Variants in FGGY observed in about 807,000 individuals in gnomAD.
FGGY encodes the protein FGGY carbohydrate kinase domain-containing protein.
Under a neutral mutation model 71.3 loss-of-function variants are expected in FGGY, and 72 were observed. That is an observed-to-expected ratio of 1.01 (90% CI 0.84 to 1.23). The LOEUF (loss-of-function observed/expected upper bound fraction) is 1.23, where lower values mean the gene tolerates loss of function less well. FGGY is among the 50% of genes most tolerant of loss of function. FGGY has a pLI of 0.00. For synonymous variants in FGGY, 251 were observed against 250.3 expected (o/e 1.00, Z -0.02); for missense variants, 668 against 682.3 (o/e 0.98, Z 0.23).
chr1:59,603,390 CT>C (rs1370424215), intron 8 of FGGY, among the ~76,000 whole-genome samples: 10 of 152,172 alleles, frequency 6.6e-5, no homozygotes, highest in African/African-American at 2.4e-4. Flanking sequence ...CTAGAGACCC[CT>C]TTACATGGTT....
intron 9 of FGGY, among the ~76,000 whole-genome samples, chr1:59,610,899 A>T (rs868533110): frequency 3.2e-4 from 48 of 152,262 alleles, no homozygotes; most frequent in African/African-American, 1.1e-3. Flanking sequence ...CCACGCCCAC[A>T]GAGCCTTGCT....
intron 14 of FGGY, among the ~76,000 whole-genome samples, chr1:59,746,873 A>C (rs564699799): frequency 1.4e-4 from 22 of 152,308 alleles, no homozygotes; most frequent in African/African-American, 5.3e-4. Flanking sequence ...TGATCTAAAT[A>C]TCACTGAAGT....
At chr1:59,561,210 A>G (rs1355596557) in intron 8 of FGGY, among the ~76,000 whole-genome samples, 2 of 152,198 alleles carry the variant, frequency 1.3e-5, no homozygotes, top group African/African-American at 4.8e-5. Context: ...CACACGGTAC[A>G]GTAGACCACT....
chr1:59,300,178 G>A (rs894733897), intron 1 of FGGY, among the ~76,000 whole-genome samples: 1 of 152,136 alleles, frequency 6.6e-6, no homozygotes, highest in South Asian at 2.1e-4. Flanking sequence ...TCTAATTGGA[G>A]AAGTTTTGTT....
chr1:59,626,068 C>G lies in FGGY; in HGVS notation c.1073+19C>G. On this transcript the variant is annotated intron_variant, in intron 10 of 15. Transcript: ENST00000303721. ...CAGCCAGGTAACTGCTGTCTCTGTTCCCTCTAAAATTTTCCTTGTGTGACT... is the reference window on the plus strand; with the variant it reads ...CAGCCAGGTAACTGCTGTCTCTGTTGCCTCTAAAATTTTCCTTGTGTGACT... 2 of 1,608,802 alleles carry G rather than the reference C, an allele frequency of 1.2e-6. No homozygotes were observed. Among genetic ancestry groups the G allele is most frequent in the Non-Finnish European group, 1.7e-6 (2 of 1,177,126 alleles).
At chr1:59,468,052 C>T (rs188179564) in intron 6 of FGGY, among the ~76,000 whole-genome samples, 9 of 152,064 alleles carry the variant, frequency 5.9e-5, no homozygotes, top group Admixed American at 4.6e-4. Flanking sequence ...TACAGGCATG[C>T]GCCACCATAC....
At chr1:59,671,314 C>A (rs2097375071) in intron 13 of FGGY, among the ~76,000 whole-genome samples, 1 of 152,216 alleles carries the variant, frequency 6.6e-6, no homozygotes. Context: ...GAGCTGTGGG[C>A]AGGGTGCTGG....
chr1:59,370,202 T>C (rs1035279614), intron 4 of FGGY, among the ~76,000 whole-genome samples: 1 of 151,786 alleles, frequency 6.6e-6, no homozygotes, highest in Non-Finnish European at 1.5e-5. Context: ...GAATAACCAA[T>C]ACAGAGAAGT....
intron 4 of FGGY, among the ~76,000 whole-genome samples, chr1:59,374,927 A>AG (rs2058387251): frequency 1.1e-4 from 1 of 9,374 alleles, no homozygotes. Flanking sequence ...GGGAGGGGGG[A>AG]GGGGGGAGGG....
intron 12 of FGGY, among the ~76,000 whole-genome samples, chr1:59,666,277 CAA>C (rs1310235815): frequency 6.6e-6 from 1 of 152,204 alleles, no homozygotes; most frequent in Admixed American, 6.5e-5. Flanking sequence ...CTAAACATTT[CAA>C]AGACTTGCTA....
At chr1:59,593,925 A>G (rs1179902618) in intron 8 of FGGY, among the ~76,000 whole-genome samples, 4 of 152,098 alleles carry the variant, frequency 2.6e-5, no homozygotes, top group African/African-American at 4.8e-5. Context: ...CTCCTATCCC[A>G]TATTAGGCAG....
intron 7 of FGGY, among the ~76,000 whole-genome samples, chr1:59,535,776 G>C (rs2095298037): frequency 6.7e-6 from 1 of 148,960 alleles, no homozygotes; most frequent in Admixed American, 6.7e-5. Context: ...GATCTTCTTT[G>C]AAACCAACGA....
At chr1:59,372,097 C>A (rs2153275885) in intron 4 of FGGY, among the ~76,000 whole-genome samples, 1 of 152,252 alleles carries the variant, frequency 6.6e-6, no homozygotes, top group Admixed American at 6.5e-5. Context: ...ACACAAAAAA[C>A]CCTTCAAAAA....
At chr1:59,509,799 G>T (rs2094475590) in intron 6 of FGGY, among the ~76,000 whole-genome samples, 3 of 152,148 alleles carry the variant, frequency 2.0e-5, no homozygotes, top group Admixed American at 2.0e-4. Flanking sequence ...ATCAAATTAA[G>T]CTCCTTTACC....
At chr1:59,624,210 A>G (rs558870942) in intron 9 of FGGY, among the ~76,000 whole-genome samples, 1 of 152,288 alleles carries the variant, frequency 6.6e-6, no homozygotes, top group East Asian at 1.9e-4. Flanking sequence ...GTATTCAACA[A>G]CGTATACCTG....
intron 9 of FGGY, among the ~76,000 whole-genome samples, chr1:59,611,828 T>C (rs1398948484): frequency 1.3e-5 from 2 of 152,136 alleles, no homozygotes; most frequent in Admixed American, 6.5e-5. Context: ...CTGAAAACCA[T>C]GGCACGAGAA....
intron 7 of FGGY, among the ~76,000 whole-genome samples, chr1:59,552,143 A>G (rs528021382): frequency 3.9e-5 from 6 of 152,328 alleles, no homozygotes; most frequent in African/African-American, 1.2e-4. Flanking sequence ...AGGGGACACC[A>G]GCCGATGCTG....
chr1:59,662,813 A>G (rs765461114), intron 12 of FGGY, among the ~76,000 whole-genome samples: 1 of 152,230 alleles, frequency 6.6e-6, no homozygotes, highest in Admixed American at 6.5e-5. Flanking sequence ...AGTACACTCT[A>G]TGATGTTTGC....
Position 59,300,969 on chromosome 1 carries a change from A to G in FGGY, c.-15+3819A>G, listed in dbSNP as rs868689925. ...TGATTATTCTAGGTTCTATTTCCATATGAATTTTATAATCACTTTGTCCAT... is the reference window on the plus strand; with the variant it reads ...TGATTATTCTAGGTTCTATTTCCATGTGAATTTTATAATCACTTTGTCCAT... On this transcript the variant is annotated intron_variant, in intron 1 of 15. Transcript: ENST00000303721. 5.3e-5 allele frequency among the ~76,000 whole-genome samples: 8 copies of G among 152,290 alleles called. No homozygotes were observed. The Middle Eastern group carries it at 0.014, about 259-fold the overall frequency.
Sources: gnomAD v4.1 joint callset for allele counts (sites outside exome capture counted in the v4.1 genomes callset) on GRCh38, gnomAD v4.1.1 for gene constraint, MANE v1.5 for transcripts, NCBI Gene and HGNC (gene_info 2026-07-23, HGNC 2026-07-21) for gene names.